The following XXYLT1 variants were observed in gnomAD, a reference collection of about 807,000 sequenced individuals.
XXYLT1 encodes xyloside xylosyltransferase 1.
Under a neutral mutation model 28.9 loss-of-function variants are expected in XXYLT1, and 20 were observed. The observed-to-expected ratio is 0.69, with a 90% confidence interval of 0.49 to 1.00. XXYLT1 has a LOEUF of 1.00. Ranked by LOEUF, XXYLT1 falls within the 50% of genes least tolerant of loss-of-function variation. XXYLT1 has a pLI of 0.00. For missense variants in XXYLT1, 542 were observed against 560.1 expected (o/e 0.97, Z 0.33); for synonymous variants, 257 against 253.8 (o/e 1.01, Z -0.12).
At chr3:195,122,120 C>A in intron 3 of XXYLT1, 1 of 703,056 alleles carries the variant, frequency 1.4e-6, no homozygotes, top group East Asian at 2.7e-5. Context: ...TGCCTTTCCC[C>A]AGTCTCCTCA....
At chr3:195,199,847 C>T (rs1333625037) in intron 2 of XXYLT1, among the ~76,000 whole-genome samples, 1 of 152,136 alleles carries the variant, frequency 6.6e-6, no homozygotes, top group Admixed American at 6.5e-5. Context: ...GAGCATTAGA[C>T]TTATGAGCCA....
At chr3:195,222,485 C>T (rs1723869933) in intron 2 of XXYLT1, among the ~76,000 whole-genome samples, 1 of 152,176 alleles carries the variant, frequency 6.6e-6, no homozygotes, top group Admixed American at 6.5e-5. Flanking sequence ...TGGGGGTTGA[C>T]ACACCCTGGC....
intron 3 of XXYLT1, among the ~76,000 whole-genome samples, chr3:195,156,008 C>A (rs1720570089): frequency 6.6e-6 from 1 of 152,212 alleles, no homozygotes; most frequent in African/African-American, 2.4e-5. Context: ...ACTACTGATG[C>A]CAGTCTGTGT....
intron 3 of XXYLT1, among the ~76,000 whole-genome samples, chr3:195,110,855 ATAAG>A (rs1436989630): frequency 0.015 from 1,458 of 96,670 alleles, 47 homozygotes; most frequent in African/African-American, 0.057. Context: ...TGTGTGTTGT[ATAAG>A]TGTGTGTGTG....
intron 3 of XXYLT1, among the ~76,000 whole-genome samples, chr3:195,128,354 GC>G (rs1269735348): frequency 2.0e-5 from 3 of 151,942 alleles, no homozygotes; most frequent in South Asian, 2.1e-4. Context: ...CTTTCCAGCT[GC>G]CCCCCTTAAA....
intron 2 of XXYLT1, among the ~76,000 whole-genome samples, chr3:195,170,069 T>A (rs1301454862): frequency 6.6e-6 from 1 of 152,014 alleles, no homozygotes; most frequent in Non-Finnish European, 1.5e-5. Context: ...CAGGCTGGTC[T>A]TGAACTCCCA....
chr3:195,157,681 T>C (rs1720674130), intron 2 of XXYLT1, among the ~76,000 whole-genome samples: 1 of 151,792 alleles, frequency 6.6e-6, no homozygotes, highest in Non-Finnish European at 1.5e-5. Flanking sequence ...GACATGCGGG[T>C]GGCAAAAAAC....
At chr3:195,105,242 G>A (rs938168413) in intron 3 of XXYLT1, among the ~76,000 whole-genome samples, 1 of 152,228 alleles carries the variant, frequency 6.6e-6, no homozygotes, top group African/African-American at 2.4e-5. Flanking sequence ...GTCAAAGTGT[G>A]TCTTATCTAA....
intron 2 of XXYLT1, among the ~76,000 whole-genome samples, chr3:195,183,259 G>A (rs974900797): frequency 1.3e-5 from 2 of 152,132 alleles, no homozygotes; most frequent in Non-Finnish European, 2.9e-5. Context: ...AGAAGTGATT[G>A]GATCATGGGG....
At chr3:195,218,878 C>T (rs141249209) in intron 2 of XXYLT1, among the ~76,000 whole-genome samples, 26 of 151,260 alleles carry the variant, frequency 1.7e-4, no homozygotes, top group East Asian at 1.4e-3. Flanking sequence ...ATGTTTATTG[C>T]GGCATTATTC....
chr3:195,081,883 C>G (rs1275030926), intron 3 of XXYLT1, among the ~76,000 whole-genome samples: 1 of 152,200 alleles, frequency 6.6e-6, no homozygotes, highest in Non-Finnish European at 1.5e-5. Context: ...GGGCAAATCA[C>G]TTCCCCTGCT....
intron 3 of XXYLT1, among the ~76,000 whole-genome samples, chr3:195,097,978 G>A (rs1157266850): frequency 6.6e-6 from 1 of 152,048 alleles, no homozygotes; most frequent in Non-Finnish European, 1.5e-5. Context: ...GAGTCCCACA[G>A]TCCCAGCAGT....
chr3:195,256,377 TG>T lies in XXYLT1; in HGVS notation c.504+14177del. On this transcript the variant is annotated intron_variant, in intron 1 of 3. Transcript: ENST00000310380. This position sits in a 1 kb window ranked among gnomAD's most constrained non-coding sequence, Gnocchi z 4.2. ...GGTGACGATAAACCTGAGACAGCTC[TG>T]GTCATTCCAAGTCCCTCGCCCTCAT... The T allele has an allele frequency of 3.4e-6, 2 of 580,036 alleles. No homozygotes were observed. Among genetic ancestry groups the T allele is most frequent in the Non-Finnish European group, 4.4e-6 (2 of 459,764 alleles). 35.9% of individuals were successfully genotyped at this position (580,036 alleles called of 1,614,324 possible). A position where few individuals can be genotyped will look rare whatever the true frequency, so the allele number is the denominator to read the frequency against.
intron 3 of XXYLT1, among the ~76,000 whole-genome samples, chr3:195,143,452 G>A (rs541833524): frequency 1.1e-4 from 16 of 152,154 alleles, no homozygotes; most frequent in African/African-American, 3.6e-4. Flanking sequence ...ACAGAGTTCC[G>A]GCTTCTTTTG....
intron 3 of XXYLT1, among the ~76,000 whole-genome samples, chr3:195,134,863 GTGTGTGCGTGT>G (rs1310643124): frequency 8.9e-5 from 9 of 101,680 alleles, no homozygotes; most frequent in East Asian, 9.5e-4. Flanking sequence ...GTGTGTGTGT[GTGTGTGCGTGT>G]GCGCGCGTGC....
chr3:195,098,652 T>C (rs1205379912), intron 3 of XXYLT1, among the ~76,000 whole-genome samples: 2 of 152,258 alleles, frequency 1.3e-5, no homozygotes. Context: ...GCCACGGGCC[T>C]TGATGCTGTC....
At chr3:195,088,036 C>CG (rs373653409) in intron 3 of XXYLT1, among the ~76,000 whole-genome samples, 2,155 of 150,666 alleles carry the variant, frequency 0.014, 27 homozygotes, top group African/African-American at 0.033. Flanking sequence ...GAGGGTCCTA[C>CG]CCCACGGAGT....
intron 3 of XXYLT1, among the ~76,000 whole-genome samples, chr3:195,089,215 A>G (rs1404529836): frequency 2.6e-5 from 4 of 152,146 alleles, no homozygotes; most frequent in African/African-American, 9.6e-5. Context: ...ACTCCAAGAC[A>G]CATAATTGTC....
At chr3:195,247,974 C>A (rs1725101924) in intron 1 of XXYLT1, 3 of 544,610 alleles carry the variant, frequency 5.5e-6, no homozygotes, top group South Asian at 2.2e-5. Flanking sequence ...TCCCACCAGG[C>A]CCTTCCTCTG....
Sources: gnomAD v4.1 joint callset for allele counts (sites outside exome capture counted in the v4.1 genomes callset) on GRCh38, gnomAD v4.1.1 for gene constraint, Gnocchi (gnomAD v3.1) non-coding constraint, MANE v1.5 for transcripts, NCBI Gene and HGNC (gene_info 2026-07-23, HGNC 2026-07-21) for gene names.